The following METTL8 variants were observed in gnomAD, a reference collection of about 807,000 sequenced individuals.
METTL8 encodes tRNA N(3)-cytidine methyltransferase METTL8, mitochondrial.
METTL8 carries 32 observed loss-of-function variants against 48.7 expected under a neutral mutation model. The observed-to-expected ratio is 0.66, with a 90% confidence interval of 0.50 to 0.88. The LOEUF (loss-of-function observed/expected upper bound fraction) is 0.88. METTL8 is among the 40% of genes least tolerant of loss of function. The pLI is 0.00. For synonymous variants in METTL8, 136 were observed against 157.1 expected (o/e 0.87, Z 1.01); for missense variants, 464 against 474.4 (o/e 0.98, Z 0.20).
intron 2 of METTL8, among the ~76,000 whole-genome samples, chr2:171,383,144 C>T (rs765598725): frequency 9.9e-5 from 15 of 151,850 alleles, no homozygotes; most frequent in Non-Finnish European, 1.8e-4. Context: ...ACAAAAAGAA[C>T]CATATATGAA....
intron 2 of METTL8, among the ~76,000 whole-genome samples, chr2:171,371,973 G>A (rs1186099826): frequency 6.6e-6 from 1 of 152,022 alleles, no homozygotes; most frequent in East Asian, 1.9e-4. Flanking sequence ...ACAGGCATGA[G>A]TGAGCCACAA....
chr2:171,392,752 T>C (rs1184831231), intron 1 of METTL8, among the ~76,000 whole-genome samples: 2 of 152,112 alleles, frequency 1.3e-5, no homozygotes. Flanking sequence ...TGTATACATA[T>C]ATTTTTAAGA....
intron 1 of METTL8, among the ~76,000 whole-genome samples, chr2:171,416,790 A>T (rs1425951429): frequency 1.3e-5 from 2 of 152,234 alleles, no homozygotes; most frequent in Non-Finnish European, 2.9e-5. Context: ...TTGGTCACAT[A>T]GCCACAAGAG....
chr2:171,383,938 T>C (rs1687807900), intron 2 of METTL8, among the ~76,000 whole-genome samples: 1 of 152,222 alleles, frequency 6.6e-6, no homozygotes, highest in South Asian at 2.1e-4. Context: ...CTTAGGTATA[T>C]ATTCCAAAGA....
chr2:171,424,754 A>G (rs989965514), intron 1 of METTL8, among the ~76,000 whole-genome samples: 1 of 152,116 alleles, frequency 6.6e-6, no homozygotes, highest in African/African-American at 2.4e-5. Flanking sequence ...GTCTCAGATG[A>G]GACTTTGGAC....
intron 3 of METTL8, among the ~76,000 whole-genome samples, chr2:171,359,545 C>T (rs1684944992): frequency 6.6e-6 from 1 of 152,058 alleles, no homozygotes; most frequent in Admixed American, 6.6e-5. Flanking sequence ...ATCAATATAT[C>T]AAAGAGATAA....
intron 2 of METTL8, among the ~76,000 whole-genome samples, chr2:171,372,854 A>G (rs553849459): frequency 6.0e-4 from 91 of 152,214 alleles, no homozygotes; most frequent in Non-Finnish European, 1.2e-3. Context: ...TGGTGTATAT[A>G]TGCCATATTT....
At chr2:171,357,623 T>G (rs571640005) in intron 3 of METTL8, among the ~76,000 whole-genome samples, 4 of 152,246 alleles carry the variant, frequency 2.6e-5, no homozygotes, top group East Asian at 1.9e-4. Context: ...AATTTATAGA[T>G]TCAATGGAAT....
intron 3 of METTL8, among the ~76,000 whole-genome samples, chr2:171,341,358 A>C (rs1011355015): frequency 6.7e-6 from 1 of 149,922 alleles, no homozygotes; most frequent in African/African-American, 2.5e-5. Flanking sequence ...AAAGTAACCC[A>C]CTCTCTCCCT....
At chr2:171,398,787 T>C (rs1172706927) in intron 1 of METTL8, among the ~76,000 whole-genome samples, 1 of 152,182 alleles carries the variant, frequency 6.6e-6, no homozygotes, top group Non-Finnish European at 1.5e-5. Context: ...TGTGTATATG[T>C]ACATTAAAAC....
chr2:171,376,369 C>A (rs940738929), intron 2 of METTL8, among the ~76,000 whole-genome samples: 2 of 151,990 alleles, frequency 1.3e-5, no homozygotes, highest in African/African-American at 4.8e-5. Flanking sequence ...TCACACTTAT[C>A]ATAAAGGGCA....
At chr2:171,434,624 G>C, upstream of METTL8, 2 of 1,531,086 alleles carry the variant, frequency 1.3e-6, no homozygotes, top group Non-Finnish European at 1.7e-6. Flanking sequence ...CTGAGTCGCC[G>C]GGCGCTGGGC....
At chr2:171,413,093 G>A (rs1045028154) in intron 1 of METTL8, among the ~76,000 whole-genome samples, 2 of 152,114 alleles carry the variant, frequency 1.3e-5, no homozygotes, top group Admixed American at 6.5e-5. Context: ...ATCAAGCACG[G>A]GCTAAAGATC....
chr2:171,430,622 A>G (rs1022757046), intron 1 of METTL8, among the ~76,000 whole-genome samples: 6 of 152,206 alleles, frequency 3.9e-5, no homozygotes, highest in Non-Finnish European at 7.4e-5. Context: ...CTTGTGCTTT[A>G]GGAAAATCAC....
At chr2:171,424,814 G>C (rs1692237978) in intron 1 of METTL8, among the ~76,000 whole-genome samples, 1 of 152,186 alleles carries the variant, frequency 6.6e-6, no homozygotes, top group South Asian at 2.1e-4. Flanking sequence ...ACAGTTGGAA[G>C]GACATGATTG....
At chr2:171,337,152 C>T (rs1686209983) in intron 5 of METTL8, among the ~76,000 whole-genome samples, 1 of 152,146 alleles carries the variant, frequency 6.6e-6, no homozygotes, top group Admixed American at 6.5e-5. Context: ...AAGGCATGAG[C>T]CACCATGCCC....
At chr2:171,396,649 G>A (rs951695536) in intron 1 of METTL8, among the ~76,000 whole-genome samples, 2 of 152,198 alleles carry the variant, frequency 1.3e-5, no homozygotes, top group African/African-American at 4.8e-5. Flanking sequence ...AAGGAATTAA[G>A]CAACACAGCT....
rs2105371277 is a variant in METTL8, at chr2:171,319,224, C to T, written c.*4948G>A. 6.6e-6 allele frequency: 1 copy of T among 152,242 alleles called. No homozygotes were observed. The highest frequency in any genetic ancestry group is 3.4e-3 in the Middle Eastern group (1 of 294). 9.4% of individuals were successfully genotyped at this position (152,242 alleles called of 1,614,324 possible). On this transcript the variant is annotated 3_prime_UTR_variant, in exon 10 of 10. Coordinates refer to ENST00000375258, the MANE Select transcript of METTL8 (RefSeq NM_001321154.2). ...AACAATACCTCACATATATTTAATG[C>T]TCTAGAATTGACAATGCACTTTCAC...
chr2:171,393,090 T>C (rs1398713407), intron 1 of METTL8, among the ~76,000 whole-genome samples: 1 of 151,580 alleles, frequency 6.6e-6, no homozygotes, highest in African/African-American at 2.4e-5. Context: ...GGCAACAGAA[T>C]AAGACTCTGT....
Sources: allele counts gnomAD v4.1 joint callset (sites outside exome capture counted in the v4.1 genomes callset), GRCh38; gene constraint gnomAD v4.1.1; transcripts MANE v1.5; gene names NCBI Gene and HGNC (gene_info 2026-07-23, HGNC 2026-07-21).